The following BTRC variants were observed in gnomAD, a reference collection of about 807,000 sequenced individuals.
BTRC encodes the protein F-box/WD repeat-containing protein 1A.
A neutral mutation model predicts 85.5 loss-of-function variants in BTRC; 42 were observed. That is an observed-to-expected ratio of 0.49 (90% CI 0.38 to 0.64). The LOEUF (loss-of-function observed/expected upper bound fraction) is 0.64. BTRC is among the 30% of genes least tolerant of loss of function. The pLI is 0.00. For synonymous variants in BTRC, 255 were observed against 263.3 expected (o/e 0.97, Z 0.30); for missense variants, 594 against 743.5 (o/e 0.80, Z 2.34).
intron 2 of BTRC, among the ~76,000 whole-genome samples, chr10:101,431,070 C>CTTTTTTTT (rs748703752): frequency 3.2e-4 from 23 of 71,290 alleles, no homozygotes; most frequent in African/African-American, 1.0e-3. Flanking sequence ...CTCAGCCTTT[C>CTTTTTTTT]TTTTTTTTTT....
intron 4 of BTRC, among the ~76,000 whole-genome samples, chr10:101,484,880 A>G (rs1343681649): frequency 6.6e-6 from 1 of 152,248 alleles, no homozygotes; most frequent in Non-Finnish European, 1.5e-5. Flanking sequence ...ACAGAGATAT[A>G]CACAGTTAAA....
At chr10:101,414,449 A>C (rs1195199482) in intron 1 of BTRC, among the ~76,000 whole-genome samples, 1 of 152,230 alleles carries the variant, frequency 6.6e-6, no homozygotes, top group Middle Eastern at 3.2e-3. Context: ...TGTACAGTAC[A>C]TAATACTTGA....
intron 1 of BTRC, among the ~76,000 whole-genome samples, chr10:101,389,111 T>TTGTG (rs200533824): frequency 3.3e-5 from 3 of 91,724 alleles, no homozygotes; most frequent in African/African-American, 4.8e-5. Flanking sequence ...TTGTGATTTT[T>TTGTG]TGTGTGTGTT....
chr10:101,461,781 T>C (rs1304063406), intron 2 of BTRC, among the ~76,000 whole-genome samples, 200 bp from the exon 3 acceptor site: 2 of 152,232 alleles, frequency 1.3e-5, no homozygotes, highest in Non-Finnish European at 2.9e-5. Context: ...ATCTAAATCC[T>C]TACATAATTT....
At chr10:101,470,402 G>A (rs991675038) in intron 3 of BTRC, among the ~76,000 whole-genome samples, 1 of 147,330 alleles carries the variant, frequency 6.8e-6, no homozygotes, top group Non-Finnish European at 1.5e-5. Flanking sequence ...ACACAATCTC[G>A]GCTCACTGCA....
At chr10:101,371,974 C>A (rs1381887797) in intron 1 of BTRC, among the ~76,000 whole-genome samples, 4 of 151,868 alleles carry the variant, frequency 2.6e-5, no homozygotes, top group Non-Finnish European at 5.9e-5. Context: ...TTTTCCTTTT[C>A]TTTCTATAGC....
chr10:101,386,571 GAA>G (rs1406880542), intron 1 of BTRC, among the ~76,000 whole-genome samples: 1 of 152,170 alleles, frequency 6.6e-6, no homozygotes, highest in African/African-American at 2.4e-5. Flanking sequence ...ATGCTACTTA[GAA>G]AAAGAGTTTT....
chr10:101,516,858 T>C (rs2062031514), intron 4 of BTRC, among the ~76,000 whole-genome samples: 1 of 152,310 alleles, frequency 6.6e-6, no homozygotes, highest in South Asian at 2.1e-4. Flanking sequence ...TTCTGGTCTT[T>C]ATCCAGAAAA....
chr10:101,474,731 C>T (rs988094935), intron 3 of BTRC, among the ~76,000 whole-genome samples: 12 of 152,188 alleles, frequency 7.9e-5, no homozygotes, highest in African/African-American at 2.9e-4. Context: ...AGTCACCCTG[C>T]ACCAAGTGGA....
chr10:101,449,235 C>T (rs1944900784), intron 2 of BTRC, among the ~76,000 whole-genome samples: 1 of 149,240 alleles, frequency 6.7e-6, no homozygotes, highest in South Asian at 2.1e-4. Flanking sequence ...ATGGTAATAC[C>T]AAAGCAAGGA....
At chr10:101,472,922 C>T (rs1945572947) in intron 3 of BTRC, among the ~76,000 whole-genome samples, 1 of 152,050 alleles carries the variant, frequency 6.6e-6, no homozygotes, top group Non-Finnish European at 1.5e-5. Flanking sequence ...CTGTGATGGG[C>T]CTATATGTGT....
chr10:101,365,815 T>G (rs1033283799), intron 1 of BTRC, among the ~76,000 whole-genome samples: 14 of 152,168 alleles, frequency 9.2e-5, no homozygotes, highest in African/African-American at 3.4e-4. Flanking sequence ...TTTTCTACAG[T>G]GAATATATAT....
intron 1 of BTRC, among the ~76,000 whole-genome samples, chr10:101,415,833 G>T (rs1362395727): frequency 6.6e-6 from 1 of 152,078 alleles, no homozygotes; most frequent in Admixed American, 6.6e-5. Flanking sequence ...GAGCCACTGC[G>T]CCTGGCCCTT....
intron 1 of BTRC, among the ~76,000 whole-genome samples, chr10:101,358,132 C>G (rs1480492520): frequency 1.3e-5 from 2 of 152,208 alleles, no homozygotes; most frequent in East Asian, 3.8e-4. Flanking sequence ...ACCTTTGAGA[C>G]AGGGTCTCAC....
At chr10:101,356,912 C>T (rs760451897) in intron 1 of BTRC, among the ~76,000 whole-genome samples, 19 of 151,966 alleles carry the variant, frequency 1.3e-4, no homozygotes, top group Non-Finnish European at 2.1e-4. Flanking sequence ...AGGCGGATCA[C>T]GAGGTCAGGA....
chr10:101,385,615 C>CTTATTTTTT, intron 1 of BTRC, among the ~76,000 whole-genome samples: 1 of 48,902 alleles, frequency 2.0e-5, no homozygotes, highest in African/African-American at 5.5e-5. Flanking sequence ...CTTTCTTCTT[C>CTTATTTTTT]TTCTTTTTTT....
chr10:101,485,258 G>C (rs1945951787), intron 4 of BTRC, among the ~76,000 whole-genome samples: 1 of 152,166 alleles, frequency 6.6e-6, no homozygotes, highest in African/African-American at 2.4e-5. Context: ...AAGAGTAATT[G>C]CTTGTGCAGT....
chr10:101,363,279 A>C (rs1196638363), intron 1 of BTRC, among the ~76,000 whole-genome samples: 1 of 152,214 alleles, frequency 6.6e-6, no homozygotes, highest in Non-Finnish European at 1.5e-5. Context: ...AAATCCAGGC[A>C]GTCTGACTTG....
chr10:101,414,741 T>C, intron 1 of BTRC: 1 of 364,696 alleles, frequency 2.7e-6, no homozygotes, highest in Admixed American at 2.9e-5. Context: ...ATGTAATGTG[T>C]GTGTTCATGT....
Sources: allele counts gnomAD v4.1 joint callset (sites outside exome capture counted in the v4.1 genomes callset), GRCh38; gene constraint gnomAD v4.1.1; transcripts MANE v1.5; gene names NCBI Gene and HGNC (gene_info 2026-07-23, HGNC 2026-07-21).